The following OR51B5 variants were observed in gnomAD, a reference collection of about 807,000 sequenced individuals.
The protein encoded by OR51B5 is olfactory receptor family 51 subfamily B member 5, also known as olfactory receptor 51B5.
For missense variants in OR51B5, 456 were observed against 374.6 expected (o/e 1.22, Z -1.79); for synonymous variants, 186 against 144.8 (o/e 1.28, Z -2.04).
intron 1 of OR51B5, among the ~76,000 whole-genome samples, chr11:5,373,670 A>C (rs1849477597): frequency 6.6e-6 from 1 of 152,200 alleles, no homozygotes; most frequent in Non-Finnish European, 1.5e-5. Context: ...GCGCACCAGG[A>C]GATTATATCC....
chr11:5,444,676 G>A (rs547340298), intron 1 of OR51B5, among the ~76,000 whole-genome samples: 2 of 152,282 alleles, frequency 1.3e-5, no homozygotes, highest in Admixed American at 1.3e-4. Flanking sequence ...AGTGGCATCA[G>A]CTCATTCTCC....
At chr11:5,390,360 T>C (rs747384232) in intron 1 of OR51B5, 3 of 1,602,106 alleles carry the variant, frequency 1.9e-6, no homozygotes, top group Admixed American at 3.4e-5. Flanking sequence ...TTCCTAGGTC[T>C]TAAAAAGGCC....
At chr11:5,448,781 C>T (rs372656698) in intron 1 of OR51B5, among the ~76,000 whole-genome samples, 67 of 152,264 alleles carry the variant, frequency 4.4e-4, no homozygotes, top group African/African-American at 1.5e-3. Flanking sequence ...AGAGTTAGCA[C>T]ATGAAGGATG....
At chr11:5,480,463 C>T (rs1434199659) in intron 1 of OR51B5, among the ~76,000 whole-genome samples, 4 of 149,766 alleles carry the variant, frequency 2.7e-5, no homozygotes, top group African/African-American at 9.8e-5. Flanking sequence ...AAAGCAAGAG[C>T]AAACACATTC....
At chr11:5,413,951 C>G (rs1434967167) in intron 1 of OR51B5, among the ~76,000 whole-genome samples, 1 of 146,362 alleles carries the variant, frequency 6.8e-6, no homozygotes, top group Non-Finnish European at 1.5e-5. Flanking sequence ...AGATACTCCT[C>G]GAGAAGAGCA....
chr11:5,346,971 C>T (rs1002236945), upstream of OR51B5: 5 of 152,180 alleles, frequency 3.3e-5, no homozygotes, highest in African/African-American at 4.8e-5. Flanking sequence ...AGATGTCTCC[C>T]TTTTATAGCC....
chr11:5,381,450 C>T (rs529085806), intron 1 of OR51B5, among the ~76,000 whole-genome samples: 1 of 152,288 alleles, frequency 6.6e-6, no homozygotes, highest in East Asian at 1.9e-4. Context: ...TTCATTGTCC[C>T]CATCATCCTC....
At chr11:5,358,917 G>C (rs1490094387) in intron 1 of OR51B5, among the ~76,000 whole-genome samples, 2 of 151,766 alleles carry the variant, frequency 1.3e-5, no homozygotes, top group Non-Finnish European at 2.9e-5. Flanking sequence ...AATAGATGCA[G>C]AAAAGGCCTT....
chr11:5,358,600 T>C (rs1388395787), intron 1 of OR51B5, among the ~76,000 whole-genome samples: 1 of 151,994 alleles, frequency 6.6e-6, no homozygotes, highest in Non-Finnish European at 1.5e-5. Context: ...CTGAAACTAT[T>C]CGAATCAATA....
intron 1 of OR51B5, among the ~76,000 whole-genome samples, chr11:5,358,983 G>A (rs2133695513): frequency 6.6e-6 from 1 of 151,752 alleles, no homozygotes; most frequent in African/African-American, 2.4e-5. Flanking sequence ...AGGTATTGAT[G>A]GGACGTATCT....
At chr11:5,481,615 G>A (rs1050074714) in intron 1 of OR51B5, among the ~76,000 whole-genome samples, 3 of 147,748 alleles carry the variant, frequency 2.0e-5, no homozygotes, top group Non-Finnish European at 4.4e-5. Context: ...AAACCCCACT[G>A]TCTCAGCCCA....
intron 1 of OR51B5, among the ~76,000 whole-genome samples, chr11:5,408,853 T>G (rs545263679): frequency 6.4e-4 from 98 of 152,298 alleles, no homozygotes; most frequent in African/African-American, 2.2e-3. Context: ...CTGAAAGCAT[T>G]TAATTCATAG....
chr11:5,354,936 CTG>C (rs1258148569), intron 1 of OR51B5: 1 of 168,276 alleles, frequency 5.9e-6, no homozygotes, highest in Non-Finnish European at 1.3e-5. Flanking sequence ...TGTGTGAAGT[CTG>C]TGCGCTGGAT....
At chr11:5,373,267 T>C (rs954603952) in intron 1 of OR51B5, among the ~76,000 whole-genome samples, 22 of 152,168 alleles carry the variant, frequency 1.4e-4, no homozygotes, top group Admixed American at 1.4e-3. Context: ...TTTTTAGATA[T>C]TGTCTTGATT....
intron 1 of OR51B5, among the ~76,000 whole-genome samples, chr11:5,388,579 G>A (rs958813162): frequency 2.0e-5 from 3 of 148,614 alleles, no homozygotes; most frequent in Non-Finnish European, 3.0e-5. Context: ...GAATTGTTTA[G>A]TGTCATTAAC....
rs779817696 is a variant in OR51B5, at chr11:5,441,270, G to A, written n.84+64299C>T. ...GTTGAAGCAGAAAGTAGAAATCACA[G>A]TGGGAAGTGTAGAAAAGGACACTCC... On this transcript the variant is annotated intron_variant and non_coding_transcript_variant, in intron 1 of 4. Coordinates refer to the OR51B5 transcript ENST00000415970. 3.1e-6 allele frequency: 5 copies of A among 1,613,868 alleles called. No individual in the cohort carries two copies. In the South Asian group the frequency reaches 5.5e-5, roughly 18 times the overall value.
intron 1 of OR51B5, among the ~76,000 whole-genome samples, chr11:5,417,461 A>G (rs554769006): frequency 2.6e-5 from 4 of 151,690 alleles, no homozygotes; most frequent in Non-Finnish European, 5.9e-5. Flanking sequence ...TCTGCGCAGC[A>G]AAAGAAACTA....
intron 1 of OR51B5, among the ~76,000 whole-genome samples, chr11:5,419,966 A>C (rs1027146597): frequency 1.9e-4 from 29 of 151,600 alleles, no homozygotes; most frequent in African/African-American, 6.8e-4. Flanking sequence ...GTTTCTATTT[A>C]CATTTCAATG....
intron 1 of OR51B5, among the ~76,000 whole-genome samples, chr11:5,424,981 C>CA (rs373245242): frequency 0.094 from 7,903 of 84,378 alleles, 1,061 homozygotes; most frequent in East Asian, 0.51. Flanking sequence ...GACTCCGCCT[C>CA]AAAAAAAAAA....
Sources: gnomAD v4.1 joint callset for allele counts (sites outside exome capture counted in the v4.1 genomes callset) on GRCh38, gnomAD v4.1.1 for gene constraint, MANE v1.5 for transcripts, NCBI Gene and HGNC (gene_info 2026-07-23, HGNC 2026-07-21) for gene names.